The following PCDH15 variants were observed in gnomAD, a reference collection of about 807,000 sequenced individuals.
PCDH15 encodes protocadherin related 15.
A neutral mutation model predicts 178.5 loss-of-function variants in PCDH15; 129 were observed. The ratio of observed to expected loss-of-function variants is 0.72; its 90% CI spans 0.63 to 0.84. The LOEUF (loss-of-function observed/expected upper bound fraction) is 0.84. PCDH15 is among the 40% of genes least tolerant of loss of function. The pLI, the probability that PCDH15 is intolerant of heterozygous loss-of-function variation, is 0.00. For missense variants in PCDH15, 2,230 were observed against 2,099.9 expected (o/e 1.06, Z -1.21); for synonymous variants, 800 against 732.0 (o/e 1.09, Z -1.50).
chr10:54,518,156 A>G (rs1001757456), intron 3 of PCDH15, among the ~76,000 whole-genome samples: 1 of 152,198 alleles, frequency 6.6e-6, no homozygotes, highest in African/African-American at 2.4e-5. Flanking sequence ...AAAGAACTAG[A>G]AAAGCAAGAG....
chr10:55,351,878 T>C (rs1844945118), intron 2 of PCDH15, among the ~76,000 whole-genome samples: 1 of 152,158 alleles, frequency 6.6e-6, no homozygotes, highest in South Asian at 2.1e-4. Flanking sequence ...GTCTCATTGC[T>C]CTCTTGTCAA....
intron 2 of PCDH15, among the ~76,000 whole-genome samples, chr10:55,359,759 C>T (rs1220312741): frequency 4.1e-5 from 6 of 144,786 alleles, no homozygotes; most frequent in Non-Finnish European, 7.4e-5. Flanking sequence ...CACACACACA[C>T]ACACACACAC....
At chr10:54,975,899 G>T (rs1839057760) in intron 2 of PCDH15, among the ~76,000 whole-genome samples, 1 of 152,068 alleles carries the variant, frequency 6.6e-6, no homozygotes, top group Non-Finnish European at 1.5e-5. Flanking sequence ...ACTAAAATTG[G>T]TTATACTGTC....
chr10:54,928,510 T>C (rs937561368), intron 2 of PCDH15, among the ~76,000 whole-genome samples: 3 of 152,192 alleles, frequency 2.0e-5, no homozygotes, highest in Non-Finnish European at 4.4e-5. Context: ...GATGTTCTCA[T>C]AGATGATATG....
intron 3 of PCDH15, among the ~76,000 whole-genome samples, chr10:54,853,783 G>T (rs1249962822): frequency 6.6e-6 from 1 of 151,972 alleles, no homozygotes; most frequent in African/African-American, 2.4e-5. Flanking sequence ...ATAATTTATT[G>T]GATATGCATC....
At chr10:54,166,706 C>A (rs146843507) in intron 13 of PCDH15, among the ~76,000 whole-genome samples, 70 of 152,316 alleles carry the variant, frequency 4.6e-4, no homozygotes, top group African/African-American at 1.6e-3. Flanking sequence ...GCCAAGCCAT[C>A]GCATCCCCTG....
Position 54,369,187 on chromosome 10 carries a change from A to T in PCDH15, c.407T>A (p.Val136Glu). The change falls in exon 5 of 38, where the codon GTG becomes GAG. Residue 136 changes from valine to glutamate, a missense_variant. By Grantham distance (121) the Val-to-Glu change is moderately radical. Coordinates refer to ENST00000644397, the MANE Select transcript of PCDH15 (RefSeq NM_001384140.1). ...GTIIYHEVRIVVRDRNDNSPT... is the reference protein window; with the variant it reads ...GTIIYHEVRIEVRDRNDNSPT... ...TGAGTTGTCATTCCTGTCTCTCACC[A>T]CTATTCGCACTTCATGGTAGATAAT... 1 of 1,613,086 alleles carries T rather than the reference A, an allele frequency of 6.2e-7. No homozygotes were observed. Among genetic ancestry groups the T allele is most frequent in the Non-Finnish European group, 8.5e-7 (1 of 1,179,422 alleles).
intron 8 of PCDH15, among the ~76,000 whole-genome samples, chr10:54,295,547 G>A (rs1038915538): frequency 1.3e-5 from 2 of 152,146 alleles, no homozygotes; most frequent in Admixed American, 6.5e-5. Context: ...CTTCACTCCT[G>A]AAGTCAGTGA....
At chr10:54,001,710 G>T (rs911008685) in intron 20 of PCDH15, among the ~76,000 whole-genome samples, 16 of 151,858 alleles carry the variant, frequency 1.1e-4, no homozygotes, top group African/African-American at 3.6e-4. Flanking sequence ...GAAGCAATAG[G>T]TCCTTAGTTA....
chr10:55,516,303 T>C lies in PCDH15; in HGVS notation c.-156+111322A>G, dbSNP rs569365317. Among the ~76,000 whole-genome samples the C allele has an allele frequency of 2.6e-5, 4 of 152,256 alleles. No homozygotes were observed. In the East Asian group the frequency reaches 5.8e-4, roughly 22 times the overall value. ...TCTCATTCTCTCTTGTCTGCTTCCA[T>C]GTAAGATGTGCCTTTTGCCTTCTGC... On this transcript the variant is annotated intron_variant, in intron 2 of 5. Coordinates refer to the PCDH15 transcript ENST00000613346.
At chr10:55,199,527 G>GA (rs1050769806) in intron 1 of PCDH15, among the ~76,000 whole-genome samples, 5 of 150,070 alleles carry the variant, frequency 3.3e-5, no homozygotes, top group Non-Finnish European at 7.4e-5. Flanking sequence ...CCACGTGGAA[G>GA]AAAAAAAAAA....
At chr10:53,969,660 TA>T (rs1247919899) in intron 21 of PCDH15, among the ~76,000 whole-genome samples, 2 of 152,174 alleles carry the variant, frequency 1.3e-5, no homozygotes, top group African/African-American at 4.8e-5. Context: ...AGTGGATCTC[TA>T]AGCAAAAAAT....
rs534406496 is a variant in PCDH15, at chr10:54,236,985, A to G, written c.877-54T>C. 6 of 1,404,502 alleles carry G rather than the reference A, an allele frequency of 4.3e-6. No homozygotes were observed. In the South Asian group the frequency reaches 5.8e-5, roughly 13 times the overall value. 87.0% of individuals were successfully genotyped at this position (1,404,502 alleles called of 1,614,324 possible). The stretch of plus-strand genomic sequence containing the variant: ...CAGCCGCATTACTAATACTTCATGA[A>G]GGATTGAGACAGATGCTTTAGTTTG... On this transcript the variant is annotated intron_variant, in intron 8 of 37. Coordinates refer to ENST00000644397, the MANE Select transcript of PCDH15 (RefSeq NM_001384140.1).
intron 5 of PCDH15, among the ~76,000 whole-genome samples, chr10:54,364,687 A>G (rs985279792): frequency 2.6e-5 from 4 of 152,142 alleles, no homozygotes; most frequent in East Asian, 1.9e-4. Flanking sequence ...CATAAAAATT[A>G]TCATAAATTT....
chr10:55,326,967 A>G (rs1166726605), intron 2 of PCDH15, among the ~76,000 whole-genome samples: 2 of 152,174 alleles, frequency 1.3e-5, no homozygotes, highest in African/African-American at 2.4e-5. Flanking sequence ...TAGACCTTAC[A>G]TAGTTTACAG....
Position 55,105,339 on chromosome 10 carries a change from G to GA in PCDH15, c.-80+61236dup, listed in dbSNP as rs924651581. ...AAAAGTTTTCTAAATACATTTATTG[G>GA]AAAAAAATCACATATTATTGGGCCT... On this transcript the variant is annotated intron_variant, in intron 2 of 5. Transcript: ENST00000458638. 5.9e-5 allele frequency among the ~76,000 whole-genome samples: 9 copies of GA among 151,556 alleles called. No homozygotes were observed. The South Asian group carries it at 8.3e-4, about 14-fold the overall frequency.
At chr10:55,222,730 C>CACACACACACACACACATAT in intron 1 of PCDH15, among the ~76,000 whole-genome samples, 7 of 121,252 alleles carry the variant, frequency 5.8e-5, no homozygotes, top group Admixed American at 8.1e-5. Context: ...CACACACACA[C>CACACACACACACACACATAT]ATATATATAT....
intron 2 of PCDH15, among the ~76,000 whole-genome samples, chr10:55,043,147 T>C (rs998156529): frequency 1.3e-5 from 2 of 152,072 alleles, no homozygotes; most frequent in Admixed American, 6.6e-5. Flanking sequence ...AGAACTTATT[T>C]TTTTGGTGAG....
intron 3 of PCDH15, 139 bp from the exon 4 acceptor site, chr10:54,379,081 G>T: frequency 1.1e-6 from 1 of 889,328 alleles, no homozygotes; most frequent in Non-Finnish European, 1.8e-6. Flanking sequence ...GCATAAGACA[G>T]AAAATATTCT....
Sources: allele counts gnomAD v4.1 joint callset (sites outside exome capture counted in the v4.1 genomes callset), GRCh38; gene constraint gnomAD v4.1.1; transcripts MANE v1.5; gene names NCBI Gene and HGNC (gene_info 2026-07-23, HGNC 2026-07-21).